TRPM1: variants seen among roughly 807,000 people sequenced by gnomAD.
The protein encoded by TRPM1 is TRPM1-203 APA Isoform, Intron 10.
In TRPM1, 113 loss-of-function variants were observed where a neutral mutation model predicts 149.4. The observed-to-expected ratio is 0.76, with a 90% CI of 0.65 to 0.88. The LOEUF (loss-of-function observed/expected upper bound fraction) is 0.88. Ranked by LOEUF, TRPM1 falls within the 40% of genes least tolerant of loss-of-function variation. TRPM1 has a pLI of 0.00. For missense variants in TRPM1, 1,976 were observed against 2,038.7 expected (o/e 0.97, Z 0.59); for synonymous variants, 741 against 759.5 (o/e 0.98, Z 0.40).
chr15:31,076,913 G>A lies in TRPM1; in HGVS notation c.75C>T (p.Asp25=), dbSNP rs777321357. 21 of 1,603,900 alleles carry A rather than the reference G, an allele frequency of 1.3e-5. No homozygotes were observed. The highest frequency in any genetic ancestry group is 1.7e-5 in the Non-Finnish European group (20 of 1,170,888). The stretch of plus-strand genomic sequence containing the variant: ...CGTGGATTTCAATTTACCTGTTAGA[G>A]TCTTTCATGCTAGGAATTACAAAGA... The part of the protein sequence containing the change: ...ECIFVIPSMK[D]SNRCCCGQFT... The change falls in exon 3 of 28, where the codon GAC becomes GAT. Residue 25 remains aspartate, a synonymous_variant. Coordinates refer to ENST00000256552, the MANE Select transcript of TRPM1 (RefSeq NM_001252024.2).
Position 31,117,799 on chromosome 15 carries a change from C to A in TRPM1, c.55-40815G>T, listed in dbSNP as rs552052925. Among the ~76,000 whole-genome samples the A allele has an allele frequency of 4.6e-5, 7 of 151,796 alleles. No individual in the cohort carries two copies. The South Asian group carries it at 1.5e-3, about 32-fold the overall frequency. On this transcript the variant is annotated intron_variant, in intron 1 of 26. Coordinates refer to the TRPM1 transcript ENST00000542188. ...ATAATCAAAAGGAAAAACTAAAGAT[C>A]AAAAACACCTACAGCAATAAAAATG... is the stretch of plus-strand genomic sequence containing the variant.
At chr15:31,146,361 A>C (rs1046330161) in intron 1 of TRPM1, among the ~76,000 whole-genome samples, 2 of 152,258 alleles carry the variant, frequency 1.3e-5, no homozygotes, top group Non-Finnish European at 2.9e-5. Flanking sequence ...GGGGGGAATT[A>C]TTAAATAAAA....
intron 1 of TRPM1, among the ~76,000 whole-genome samples, chr15:31,099,032 G>A (rs1040244084): frequency 1.3e-5 from 2 of 152,210 alleles, no homozygotes; most frequent in African/African-American, 4.8e-5. Context: ...CAGTGAGATA[G>A]ATACTAATAT....
chr15:31,032,855 A>G lies in TRPM1; in HGVS notation c.2786T>C (p.Ile929Thr). ...AATTGCTCCAATCATGAATGTGGAA[A>G]TGGCCACGAGATCTGTGATGTTCCA... ...EYWNITDLVA[I>T]STFMIGAILR... Residue 929 changes from isoleucine (I) to threonine (T), a missense_variant, in exon 22 of 28, where the codon ATT becomes ACT. Coordinates refer to ENST00000256552, the MANE Select transcript of TRPM1 (RefSeq NM_001252024.2). 1 of 1,614,246 alleles carries G rather than the reference A, an allele frequency of 6.2e-7. No homozygotes were observed. Among genetic ancestry groups the G allele is most frequent in the Non-Finnish European group, 8.5e-7 (1 of 1,180,040 alleles).
chr15:31,065,227 C>T (rs76580248), intron 7 of TRPM1: 5,611 of 472,840 alleles, frequency 0.012, 49 homozygotes, highest in Non-Finnish European at 0.02. Flanking sequence ...ATGTATTCTT[C>T]GAGATCTGAT....
At chr15:31,025,015 C>A (rs140139627) in intron 27 of TRPM1, among the ~76,000 whole-genome samples, 43 of 152,284 alleles carry the variant, frequency 2.8e-4, no homozygotes, top group African/African-American at 9.6e-4. Flanking sequence ...TGGGCTGGGG[C>A]AGAGTTCACT....
intron 18 of TRPM1, among the ~76,000 whole-genome samples, chr15:31,039,510 T>C (rs559854326): frequency 6.6e-6 from 1 of 152,282 alleles, no homozygotes; most frequent in African/African-American, 2.4e-5. Flanking sequence ...ATACTGCCAT[T>C]AGATTGCTAG....
intron 1 of TRPM1, among the ~76,000 whole-genome samples, chr15:31,098,539 TG>T (rs1261674482): frequency 6.6e-6 from 1 of 152,082 alleles, no homozygotes; most frequent in African/African-American, 2.4e-5. Flanking sequence ...GGCTCTTCTG[TG>T]GGGTTTTCCA....
chr15:31,154,157 A>G lies in TRPM1; in HGVS notation c.54+6749T>C, dbSNP rs72714651. 6.0e-3 allele frequency among the ~76,000 whole-genome samples: 912 copies of G among 152,354 alleles called. 5 individuals are homozygous for G. Among genetic ancestry groups the G allele is most frequent in the Middle Eastern group, 0.017 (5 of 294 alleles). ...AGAAAACTTAGGGCTTGGATTTTGC[A>G]TGTCATTTTAAAATTTCATTTTTTG... On this transcript the variant is annotated intron_variant, in intron 1 of 26. Coordinates refer to the TRPM1 transcript ENST00000542188.
In TRPM1 at chr15:31,001,654, A is replaced by G. The variant is rs2031765761; in HGVS notation, c.*168T>C. The G allele has an allele frequency of 2.9e-6, 2 of 684,004 alleles. No individual in the cohort carries two copies. The highest frequency in any genetic ancestry group is 2.9e-5 in the Admixed American group (1 of 34,414). 42.4% of individuals were successfully genotyped at this position (684,004 alleles called of 1,614,324 possible). On this transcript the variant is annotated 3_prime_UTR_variant, in exon 28 of 28. Coordinates refer to ENST00000256552, the MANE Select transcript of TRPM1 (RefSeq NM_001252024.2). ...AACTGAAAAAACTAAGCCTACTAAC[A>G]TATGCTAACAAAATACTACTTTTAG... is the stretch of plus-strand genomic sequence containing the variant.
chr15:31,033,151 C>G (rs1215657346), intron 21 of TRPM1: 1 of 652,226 alleles, frequency 1.5e-6, no homozygotes, highest in African/African-American at 1.8e-5. Context: ...CAGGGTTTTA[C>G]AAACTCAGGA....
chr15:31,081,104 G>T (rs1351671685), intron 2 of TRPM1, among the ~76,000 whole-genome samples: 1 of 152,136 alleles, frequency 6.6e-6, no homozygotes, highest in African/African-American at 2.4e-5. Context: ...TGACTCTGGG[G>T]CATCGGTCTT....
chr15:31,134,115 G>T (rs569966790), intron 1 of TRPM1, among the ~76,000 whole-genome samples: 19 of 152,320 alleles, frequency 1.2e-4, no homozygotes, highest in African/African-American at 4.6e-4. Flanking sequence ...TGAGAAGGAA[G>T]GGGAATGGGA....
At chr15:31,149,708 A>G (rs1158198501) in intron 1 of TRPM1, among the ~76,000 whole-genome samples, 4 of 151,842 alleles carry the variant, frequency 2.6e-5, no homozygotes, top group Non-Finnish European at 5.9e-5. Context: ...TTTAGTAGAG[A>G]CGGGGTTTCA....
At chr15:31,067,250 A>C (rs1485278129) in intron 5 of TRPM1, 63 bp from the exon 6 acceptor site, 12 of 1,613,496 alleles carry the variant, frequency 7.4e-6, no homozygotes, top group Non-Finnish European at 9.3e-6. Flanking sequence ...TCATTCATGA[A>C]ATTTAGGGAC....
At chr15:31,017,539 A>C (rs118162154) in intron 27 of TRPM1, among the ~76,000 whole-genome samples, 2,688 of 152,298 alleles carry the variant, frequency 0.018, 41 homozygotes, top group Middle Eastern at 0.031. Flanking sequence ...GGAGTGATTT[A>C]TCAAACATTA....
intron 17 of TRPM1, among the ~76,000 whole-genome samples, chr15:31,041,629 ATGT>A (rs1344417638): frequency 2.0e-5 from 3 of 152,190 alleles, no homozygotes; most frequent in Non-Finnish European, 4.4e-5. Context: ...AGGCTCATTA[ATGT>A]TGTATTCCTT....
upstream of TRPM1, among the ~76,000 whole-genome samples, chr15:31,103,334 C>A (rs567983541): frequency 3.3e-5 from 5 of 152,300 alleles, no homozygotes; most frequent in South Asian, 1.0e-3. Flanking sequence ...ACAGGCCACG[C>A]GTGGCTATGG....
At position 31,060,544 on chromosome 15, in the gene TRPM1, C is replaced by T. The variant is rs768701595; in HGVS notation, c.1263G>A (p.Pro421=). 8.1e-6 allele frequency: 13 copies of T among 1,613,684 alleles called. No individual in the cohort carries two copies. The highest frequency in any genetic ancestry group is 4.5e-5 in the East Asian group (2 of 44,884). Residue 421 remains proline, a splice_region_variant and synonymous_variant, in exon 11 of 28, where the codon CCG becomes CCA. Transcript: ENST00000256552. ...ATGAATCGAAAAAAAACAGTTTCAC[C>T]GGCCAGTGGGGCCCAAAGACAAAGA... The part of the protein sequence containing the change: ...SQIFVFGPHW[P]PLGSLAPPTD...
Sources: gnomAD v4.1 joint callset for allele counts (sites outside exome capture counted in the v4.1 genomes callset) on GRCh38, gnomAD v4.1.1 for gene constraint, MANE v1.5 for transcripts, NCBI Gene and HGNC (gene_info 2026-07-23, HGNC 2026-07-21) for gene names.